Variants in MCTP1 observed in about 807,000 individuals in gnomAD.
The protein encoded by MCTP1 is multiple C2 and transmembrane domain-containing protein 1.
In MCTP1, 69 loss-of-function variants were observed where a neutral mutation model predicts 120.6. The ratio of observed to expected loss-of-function variants is 0.57; its 90% CI spans 0.47 to 0.70. The LOEUF is 0.70. Among genes scored for constraint, MCTP1 ranks in the 30% least tolerant of loss-of-function variants. The probability of loss-of-function intolerance (pLI) is 0.00; values close to 1 mark genes in which losing one functional copy is unlikely to be tolerated. For missense variants in MCTP1, 1,203 were observed against 1,248.8 expected, an observed-to-expected ratio of 0.96 and a Z score of 0.55; for synonymous variants, 529 against 493.1, an observed-to-expected ratio of 1.07 and a Z score of -0.96.
chr5:95,063,429 G>A (rs2152121575), intron 1 of MCTP1, among the ~76,000 whole-genome samples: 1 of 152,268 alleles, frequency 6.6e-6, no homozygotes. Flanking sequence ...GAACATGTAA[G>A]CTGCAGAATT....
chr5:95,001,066 G>A (rs115717085), intron 2 of MCTP1, among the ~76,000 whole-genome samples: 84 of 152,304 alleles, frequency 5.5e-4, no homozygotes, highest in African/African-American at 2.0e-3. Context: ...CACCACACCT[G>A]ATGGTTTTAT....
At chr5:94,766,341 C>T (rs1772706760) in intron 19 of MCTP1, among the ~76,000 whole-genome samples, 1 of 152,096 alleles carries the variant, frequency 6.6e-6, no homozygotes, top group Non-Finnish European at 1.5e-5. Flanking sequence ...TACTATGCAG[C>T]CATAAAAATG....
At position 94,922,454 on chromosome 5, in the gene MCTP1, A is replaced by G. The variant is rs138044860; in HGVS notation, c.1272+1508T>C. ...ACAAACTTAACCCAGAACACCCCCC[A>G]AATTCTACTCTCAAAGAAGTGTGCC... is the stretch of plus-strand genomic sequence containing the variant. On this transcript the variant is annotated intron_variant, in intron 7 of 22. Coordinates refer to ENST00000515393, the MANE Select transcript of MCTP1 (RefSeq NM_024717.7). Among the ~76,000 whole-genome samples, 1,247 of 150,574 alleles carry G rather than the reference A, an allele frequency of 8.3e-3. 13 individuals are homozygous for G. Among genetic ancestry groups the G allele is most frequent in the Non-Finnish European group, 0.012 (830 of 67,536 alleles).
intron 1 of MCTP1, among the ~76,000 whole-genome samples, chr5:95,018,771 C>G (rs1837631720): frequency 6.6e-6 from 1 of 152,046 alleles, no homozygotes; most frequent in Non-Finnish European, 1.5e-5. Flanking sequence ...CAAATCCCCC[C>G]ACTCCATCTC....
chr5:94,708,734 T>C (rs1472602597), intron 21 of MCTP1, 125 bp from the exon 22 acceptor site: 1 of 577,096 alleles, frequency 1.7e-6, no homozygotes. Flanking sequence ...CTCTTCCTCT[T>C]TTTCTCCTTC....
At chr5:94,815,650 G>A (rs192477127) in intron 17 of MCTP1, among the ~76,000 whole-genome samples, 1 of 152,274 alleles carries the variant, frequency 6.6e-6, no homozygotes, top group South Asian at 2.1e-4. Context: ...AAAGACATCC[G>A]CTCAGTGGCA....
At chr5:95,148,841 G>A (rs1760646668) in intron 1 of MCTP1, among the ~76,000 whole-genome samples, 1 of 152,090 alleles carries the variant, frequency 6.6e-6, no homozygotes, top group Admixed American at 6.5e-5. Context: ...TGTAAGATGA[G>A]TATAATGAGT....
chr5:94,809,229 G>T (rs1218297124), intron 17 of MCTP1, among the ~76,000 whole-genome samples: 1 of 151,950 alleles, frequency 6.6e-6, no homozygotes, highest in African/African-American at 2.4e-5. Flanking sequence ...CAGAAGGCTT[G>T]GGAAGTTATT....
intron 1 of MCTP1, among the ~76,000 whole-genome samples, chr5:95,101,152 G>A (rs1161361965): frequency 6.6e-6 from 1 of 152,118 alleles, no homozygotes; most frequent in African/African-American, 2.4e-5. Context: ...GACAAGGGGA[G>A]TTAGAGGAAA....
intron 17 of MCTP1, among the ~76,000 whole-genome samples, chr5:94,866,236 T>G (rs1237134316): frequency 6.6e-6 from 1 of 151,942 alleles, no homozygotes; most frequent in African/African-American, 2.4e-5. Context: ...CAGCTATTTA[T>G]ACTGGGAGCT....
At chr5:94,865,091 C>T (rs1235683621) in intron 17 of MCTP1, among the ~76,000 whole-genome samples, 3 of 151,776 alleles carry the variant, frequency 2.0e-5, no homozygotes, top group African/African-American at 4.8e-5. Flanking sequence ...AATAAGCACA[C>T]GCCCAGAAAC....
At chr5:94,745,481 C>A (rs1254800752) in intron 19 of MCTP1, among the ~76,000 whole-genome samples, 1 of 152,060 alleles carries the variant, frequency 6.6e-6, no homozygotes, top group Non-Finnish European at 1.5e-5. Flanking sequence ...GTCTCTTATT[C>A]CCATTTTGCA....
At chr5:95,203,162 T>G (rs1751259462) in intron 1 of MCTP1, among the ~76,000 whole-genome samples, 1 of 152,268 alleles carries the variant, frequency 6.6e-6, no homozygotes, top group Admixed American at 6.5e-5. Flanking sequence ...TAATTCTGAT[T>G]GGATGGCTTC....
At chr5:95,159,379 T>C (rs1358317171) in intron 1 of MCTP1, among the ~76,000 whole-genome samples, 1 of 152,314 alleles carries the variant, frequency 6.6e-6, no homozygotes. Flanking sequence ...TATTCTTACA[T>C]CCAAACATTA....
chr5:95,150,991 CAG>C (rs1483882248), intron 1 of MCTP1, among the ~76,000 whole-genome samples: 5 of 151,900 alleles, frequency 3.3e-5, no homozygotes, highest in Non-Finnish European at 7.4e-5. Context: ...TTATTTGAGA[CAG>C]AGTCTTGCTC....
intron 1 of MCTP1, among the ~76,000 whole-genome samples, chr5:95,058,536 A>G (rs1748030958): frequency 6.6e-6 from 1 of 152,208 alleles, no homozygotes; most frequent in African/African-American, 2.4e-5. Context: ...TCCATTGCCT[A>G]CTTTCCAGAA....
intron 17 of MCTP1, among the ~76,000 whole-genome samples, chr5:94,800,100 C>A (rs986101160): frequency 1.3e-5 from 2 of 152,108 alleles, no homozygotes; most frequent in African/African-American, 4.8e-5. Flanking sequence ...GTTTCTTCCC[C>A]AGTAAAATGG....
intron 10 of MCTP1, among the ~76,000 whole-genome samples, chr5:94,902,987 C>T (rs1805911934): frequency 1.3e-5 from 2 of 152,076 alleles, no homozygotes; most frequent in South Asian, 2.1e-4. Flanking sequence ...AGAAAATCTT[C>T]AGAAGAACAA....
Position 94,893,220 on chromosome 5 carries a change from T to G in MCTP1, c.1839+1429A>C, listed in dbSNP as rs184505671. 1.9e-3 allele frequency among the ~76,000 whole-genome samples: 292 copies of G among 152,316 alleles called. 1 individual carries two copies. Among genetic ancestry groups the G allele is most frequent in the African/African-American group, 6.5e-3 (269 of 41,578 alleles). On this transcript the variant is annotated intron_variant, in intron 11 of 22. Coordinates refer to ENST00000515393, the MANE Select transcript of MCTP1 (RefSeq NM_024717.7). ...AAAAAGAAAAAAAATTAATAATAGGTGGATTACTTCTAATTACTTAGGCAG... is the reference window on the plus strand; with the variant it reads ...AAAAAGAAAAAAAATTAATAATAGGGGGATTACTTCTAATTACTTAGGCAG...
Sources: gnomAD v4.1 joint callset for allele counts (sites outside exome capture counted in the v4.1 genomes callset) on GRCh38, gnomAD v4.1.1 for gene constraint, MANE v1.5 for transcripts, NCBI Gene and HGNC (gene_info 2026-07-23, HGNC 2026-07-21) for gene names.